Variants in TMEM163 observed in about 807,000 individuals in gnomAD.
TMEM163 encodes transmembrane protein 163.
In TMEM163, 17 loss-of-function variants were observed where a neutral mutation model predicts 29.3. The ratio of observed to expected loss-of-function variants is 0.58; its 90% CI spans 0.40 to 0.87. TMEM163 has a LOEUF of 0.87. Ranked by LOEUF, TMEM163 falls within the 40% of genes least tolerant of loss-of-function variation. The pLI is 0.00. For synonymous variants in TMEM163, 157 were observed against 160.6 expected (o/e 0.98, Z 0.17); for missense variants, 303 against 381.5 (o/e 0.79, Z 1.71).
chr2:134,681,021 C>T (rs917719396), intron 2 of TMEM163, among the ~76,000 whole-genome samples: 12 of 152,126 alleles, frequency 7.9e-5, no homozygotes, highest in South Asian at 2.1e-4. Flanking sequence ...AGGATGGAGC[C>T]GCCACCCATC....
chr2:134,632,182 A>C (rs185701108), intron 2 of TMEM163, among the ~76,000 whole-genome samples: 13 of 152,328 alleles, frequency 8.5e-5, no homozygotes, highest in African/African-American at 3.1e-4. Context: ...GGAACCACAG[A>C]TTAGGACCAG....
At chr2:134,476,977 G>A (rs1303490774) in intron 5 of TMEM163, among the ~76,000 whole-genome samples, 1 of 152,074 alleles carries the variant, frequency 6.6e-6, no homozygotes, top group East Asian at 1.9e-4. Context: ...AACTTCTCTG[G>A]AAAACCTTGT....
rs993557839 is a variant in TMEM163 at position 134,718,864 on chromosome 2, G to C, written c.72C>G (p.His24Gln). 2.7e-6 allele frequency: 3 copies of C among 1,109,900 alleles called. No homozygotes were observed. Among genetic ancestry groups the C allele is most frequent in the Non-Finnish European group, 3.3e-6 (3 of 911,094 alleles). 68.8% of individuals were successfully genotyped at this position (1,109,900 alleles called of 1,614,324 possible). A position where few individuals can be genotyped will look rare whatever the true frequency, so the allele number is the denominator to read the frequency against. ...GGCCGGGGGCGGCAGCCGGTGGCGC[G>C]TGGCCCCGGGGCGGCGGCGGGACGG... ...GPTVPPPPRG[H>Q]APPAAAPGPA... Residue 24 changes from histidine (H) to glutamine (Q), a missense_variant, in exon 1 of 8, where the codon CAC becomes CAG. Around this residue, in one of 2 missense-constraint regions of TMEM163, gnomAD observed 100 missense variants for 87.2 expected, o/e 1.15. Coordinates refer to ENST00000281924, the MANE Select transcript of TMEM163 (RefSeq NM_030923.5).
At chr2:134,615,138 G>A (rs1404473426) in intron 2 of TMEM163, among the ~76,000 whole-genome samples, 1 of 152,132 alleles carries the variant, frequency 6.6e-6, no homozygotes, top group Non-Finnish European at 1.5e-5. Flanking sequence ...ACTATGGATG[G>A]ATTTCAATGT....
intron 2 of TMEM163, among the ~76,000 whole-genome samples, chr2:134,584,675 G>C (rs1681772478): frequency 6.7e-6 from 1 of 148,538 alleles, no homozygotes; most frequent in Admixed American, 6.7e-5. Flanking sequence ...ATGTGATAAA[G>C]ACTCGAGACT....
chr2:134,514,566 G>C (rs543100974), intron 4 of TMEM163, among the ~76,000 whole-genome samples: 1 of 152,262 alleles, frequency 6.6e-6, no homozygotes, highest in Admixed American at 6.5e-5. Context: ...TTCACGCACA[G>C]AGCCAGATTC....
At chr2:134,631,013 G>GAA (rs35010747) in intron 2 of TMEM163, among the ~76,000 whole-genome samples, 2,566 of 150,568 alleles carry the variant, frequency 0.017, 67 homozygotes, top group African/African-American at 0.058. Flanking sequence ...ACACTTGAGG[G>GAA]AAAAAAAAAA....
intron 2 of TMEM163, among the ~76,000 whole-genome samples, chr2:134,659,193 A>G (rs1173282470): frequency 6.6e-6 from 1 of 152,242 alleles, no homozygotes; most frequent in Non-Finnish European, 1.5e-5. Flanking sequence ...AACATAGGAA[A>G]GGTAATGTGT....
At chr2:134,496,149 C>T (rs1574177726) in intron 5 of TMEM163, among the ~76,000 whole-genome samples, 2 of 151,930 alleles carry the variant, frequency 1.3e-5, no homozygotes. Flanking sequence ...GCGGCCTCCA[C>T]CTCCAGGGTT....
chr2:134,496,222 C>T (rs1347747227), intron 5 of TMEM163, among the ~76,000 whole-genome samples: 1 of 152,058 alleles, frequency 6.6e-6, no homozygotes, highest in African/African-American at 2.4e-5. Context: ...CCACCACGCC[C>T]AGCTAATTTT....
intron 6 of TMEM163, among the ~76,000 whole-genome samples, chr2:134,464,991 C>T (rs999154115): frequency 5.9e-5 from 9 of 152,122 alleles, no homozygotes; most frequent in Admixed American, 4.6e-4. Context: ...TGTCACCATG[C>T]ATGTCTGCAC....
chr2:134,669,113 C>G (rs945373804), intron 2 of TMEM163, among the ~76,000 whole-genome samples: 1 of 152,194 alleles, frequency 6.6e-6, no homozygotes, highest in African/African-American at 2.4e-5. Flanking sequence ...ACAGGAGGGG[C>G]CATGGGGACT....
chr2:134,588,908 A>G lies in TMEM163; in HGVS notation c.323-36817T>C, dbSNP rs115140537. Among the ~76,000 whole-genome samples, 1,179 of 152,312 alleles carry G rather than the reference A, an allele frequency of 7.7e-3. 23 individuals are homozygous for G. The highest frequency in any genetic ancestry group is 0.027 in the African/African-American group (1,120 of 41,570). ...CCAGTTAGACCAAAGTGTAGAGTTC[A>G]TGAAGAGCAGCAAACAAAGGAGTAG... On this transcript the variant is annotated intron_variant, in intron 2 of 7. Transcript: ENST00000281924.
rs984360002 is a variant in TMEM163 at position 134,652,023 on chromosome 2, T to A, written c.322+61177A>T. Among the ~76,000 whole-genome samples, 52 of 137,256 alleles carry A rather than the reference T, an allele frequency of 3.8e-4. 4 individuals are homozygous for A. In the East Asian group the frequency reaches 0.01, roughly 27 times the overall value. 90.0% of individuals were successfully genotyped at this position (137,256 alleles called of 152,430 possible). ...TTTTGGCTTAGGATTGACTTGGTGA[T>A]GCGGGCTCTTTTTTGGTTCCATATG... On this transcript the variant is annotated intron_variant, in intron 2 of 7. Coordinates refer to ENST00000281924, the MANE Select transcript of TMEM163 (RefSeq NM_030923.5).
At chr2:134,527,673 G>A (rs1225338882) in intron 4 of TMEM163, among the ~76,000 whole-genome samples, 1 of 152,208 alleles carries the variant, frequency 6.6e-6, no homozygotes, top group African/African-American at 2.4e-5. Flanking sequence ...CCTAGCCTTG[G>A]GAATCATTCC....
At chr2:134,678,973 T>G (rs747074244) in intron 2 of TMEM163, among the ~76,000 whole-genome samples, 11 of 152,234 alleles carry the variant, frequency 7.2e-5, no homozygotes, top group Admixed American at 6.5e-5. Context: ...AATATCTACC[T>G]ATGTGTATGA....
intron 4 of TMEM163, among the ~76,000 whole-genome samples, chr2:134,512,458 C>CA (rs1316078552): frequency 6.6e-6 from 1 of 151,938 alleles, no homozygotes; most frequent in Non-Finnish European, 1.5e-5. Flanking sequence ...GGCTCTGTCT[C>CA]AAAAAAATAC....
chr2:134,470,225 C>T (rs947864595), intron 5 of TMEM163, among the ~76,000 whole-genome samples: 5 of 152,006 alleles, frequency 3.3e-5, no homozygotes, highest in Admixed American at 1.3e-4. Context: ...GGCGCGGTGG[C>T]GGGCGCCTGT....
chr2:134,707,953 A>G (rs1024663432), intron 2 of TMEM163, among the ~76,000 whole-genome samples: 4 of 146,318 alleles, frequency 2.7e-5, no homozygotes, highest in African/African-American at 1.0e-4. Flanking sequence ...CAATGGTGCG[A>G]TCTCAGCTCA....
Sources: allele counts gnomAD v4.1 joint callset (sites outside exome capture counted in the v4.1 genomes callset), GRCh38; gene constraint gnomAD v4.1.1; regional missense constraint gnomAD v4.1.1; transcripts MANE v1.5; gene names NCBI Gene and HGNC (gene_info 2026-07-23, HGNC 2026-07-21).